IHO1: variants seen among roughly 807,000 people sequenced by gnomAD.
IHO1 encodes interactor of HORMAD1 protein 1.
Under a neutral mutation model 31.0 loss-of-function variants are expected in IHO1, and 13 were observed. That is an observed-to-expected ratio of 0.42 (90% CI 0.27 to 0.67). The LOEUF (loss-of-function observed/expected upper bound fraction) is 0.67, where lower values mean the gene tolerates loss of function less well. Among genes scored for constraint, IHO1 ranks in the 30% least tolerant of loss-of-function variants. The pLI, the probability that IHO1 is intolerant of heterozygous loss-of-function variation, is 0.24. For synonymous variants in IHO1, 221 were observed against 248.4 expected, an observed-to-expected ratio of 0.89 and a Z score of 1.04; for missense variants, 599 against 687.5, an observed-to-expected ratio of 0.87 and a Z score of 1.44.
the IHO1 span, among the ~76,000 whole-genome samples, chr3:49,192,721 C>G: frequency 6.6e-6 from 1 of 152,120 alleles, no homozygotes; most frequent in African/African-American, 2.4e-5. Context: ...AAATGGCTAA[C>G]CTGGTCTCTA....
chr3:49,241,368 G>A lies in IHO1; in HGVS notation c.374G>A (p.Arg125Lys), dbSNP rs780012494. 1 of 1,609,662 alleles carries A rather than the reference G, an allele frequency of 6.2e-7. No individual in the cohort carries two copies. The highest frequency in any genetic ancestry group is 8.5e-7 in the Non-Finnish European group (1 of 1,178,448). ...GAACAGTTTGAGGAGAAAAAGAAAA[G>A]GGCAAAAGACAAATGTGACAGGTAT... Reference protein sequence around the residue: ...LLEQFEEKKKRAKDKCDSETL... With the variant: ...LLEQFEEKKKKAKDKCDSETL... Residue 125 changes from arginine to lysine, a missense_variant, in exon 4 of 8, where the codon AGG becomes AAG. Arg to Lys is a conservative substitution (Grantham distance 26). Transcript: ENST00000452691.
rs1480024875 is a variant in IHO1 at position 49,241,405 on chromosome 3, A to G, written c.395+16A>G. ...AATGTGACAGGTATGTAAACCTTTC[A>G]AATGGATGAAAGAACTCACCTTTTC... On this transcript the variant is annotated intron_variant, in intron 4 of 7. Coordinates refer to ENST00000452691, the MANE Select transcript of IHO1 (RefSeq NM_001135197.2). 1.3e-6 allele frequency: 2 copies of G among 1,581,230 alleles called. No individual in the cohort carries two copies. Among genetic ancestry groups the G allele is most frequent in the Non-Finnish European group, 1.7e-6 (2 of 1,165,710 alleles).
chr3:49,220,138 C>T lies in IHO1; in HGVS notation c.56+8302C>T, dbSNP rs187171538. On this transcript the variant is annotated intron_variant, in intron 2 of 7. Transcript: ENST00000452691. ...GCTAGACAAGAGGGTGATATAGAGG[C>T]TTGGCAGTTCTCTGTTAGGATACAC... Among the ~76,000 whole-genome samples the T allele has an allele frequency of 4.0e-4, 61 of 152,318 alleles. No homozygotes were observed. The East Asian group carries it at 0.011, about 26-fold the overall frequency.
rs1015633831 is a variant in IHO1, at chr3:49,228,204, G to A, written c.57-8344G>A. On this transcript the variant is annotated intron_variant, in intron 2 of 7. Transcript: ENST00000452691. ...GACTTTGAGAGTTCTACTCACAGCC[G>A]CAGGGTCAACCAACTTGTTGTCGGG... 23 of 356,362 alleles carry A rather than the reference G, an allele frequency of 6.5e-5. No homozygotes were observed. The East Asian group carries it at 9.3e-4, about 14-fold the overall frequency. The allele number at this position is 356,362 out of a possible 1,614,324, so 22.1% of individuals were successfully genotyped here. A position where few individuals can be genotyped will look rare whatever the true frequency, so the allele number is the denominator to read the frequency against.
At chr3:49,234,714 GT>G (rs1269760957) in intron 2 of IHO1, among the ~76,000 whole-genome samples, 1 of 152,038 alleles carries the variant, frequency 6.6e-6, no homozygotes, top group African/African-American at 2.4e-5. Context: ...GCCCTGCTCT[GT>G]TCCTTCCCTG....
chr3:49,237,930 T>C lies in IHO1; in HGVS notation c.231+1208T>C, dbSNP rs527937268. Among the ~76,000 whole-genome samples, 22 of 131,620 alleles carry C rather than the reference T, an allele frequency of 1.7e-4. No individual in the cohort carries two copies. The South Asian group carries it at 6.0e-3, about 36-fold the overall frequency. The allele number at this position is 131,620 out of a possible 152,430, so 86.3% of individuals were successfully genotyped here. On this transcript the variant is annotated intron_variant, in intron 3 of 7. Coordinates refer to ENST00000452691, the MANE Select transcript of IHO1 (RefSeq NM_001135197.2). The stretch of plus-strand genomic sequence containing the variant: ...TTTTTTTTTTTTTTGAGACAGAGTC[T>C]TGCTCTGTCACCTGGGCCGAGGTCC...
At position 49,236,729 on chromosome 3, in the gene IHO1, C is replaced by T; in HGVS notation, c.231+7C>T. 2 of 1,607,170 alleles carry T rather than the reference C, an allele frequency of 1.2e-6. No individual in the cohort carries two copies. Among genetic ancestry groups the T allele is most frequent in the East Asian group, 2.2e-5 (1 of 44,810 alleles). ...ACAACAGAACTATCTGGAGGTGAGT[C>T]TGGTTTCCAGAATTGATCTGCACAC... On this transcript the variant is annotated splice_region_variant and intron_variant, in intron 3 of 7. Coordinates refer to ENST00000452691, the MANE Select transcript of IHO1 (RefSeq NM_001135197.2).
chr3:49,215,956 A>G (rs1057173130), intron 2 of IHO1, among the ~76,000 whole-genome samples: 3 of 152,210 alleles, frequency 2.0e-5, no homozygotes, highest in Non-Finnish European at 2.9e-5. Context: ...ATTTCTGAGT[A>G]AAAATAATCA....
rs998420772 is a variant in IHO1, at chr3:49,236,463, G to A, written c.57-85G>A. On this transcript the variant is annotated intron_variant, in intron 2 of 7. Transcript: ENST00000452691. ...AACAAGCTATCATTCTGCCCAAAAT[G>A]TTCTGAAATGGACAGCTGTGAACTA... The A allele has an allele frequency of 6.0e-6, 6 of 1,001,966 alleles. No homozygotes were observed. The African/African-American group carries it at 8.0e-5, about 13-fold the overall frequency. 62.1% of individuals were successfully genotyped at this position (1,001,966 alleles called of 1,614,324 possible). A position where few individuals can be genotyped will look rare whatever the true frequency, so the allele number is the denominator to read the frequency against.
At chr3:49,245,987 G>T (rs1366699654) in intron 6 of IHO1, among the ~76,000 whole-genome samples, 2 of 150,954 alleles carry the variant, frequency 1.3e-5, no homozygotes, top group Non-Finnish European at 3.0e-5. Flanking sequence ...TTCAAGTCTG[G>T]CCTGTCTAAT....
chr3:49,240,171 G>A (rs1174080533), intron 3 of IHO1, among the ~76,000 whole-genome samples: 2 of 151,996 alleles, frequency 1.3e-5, no homozygotes, highest in African/African-American at 2.4e-5. Context: ...TCAGCCTCCC[G>A]AGTAGCTGTG....
chr3:49,242,621 G>A (rs1048322879), intron 4 of IHO1, among the ~76,000 whole-genome samples: 2 of 152,012 alleles, frequency 1.3e-5, no homozygotes. Flanking sequence ...TAGGAAGTTG[G>A]ACAACATTAT....
At chr3:49,205,310 G>A (rs1028543147) in intron 1 of IHO1, among the ~76,000 whole-genome samples, 7 of 151,824 alleles carry the variant, frequency 4.6e-5, no homozygotes, top group Admixed American at 1.3e-4. Flanking sequence ...TATGATATGC[G>A]GTGAGGGCGA....
Position 49,248,417 on chromosome 3 carries a change from A to AAAAACAAAACAAAACAAAAC in IHO1, c.532+3694_532+3713dup, listed in dbSNP as rs139167372. On this transcript the variant is annotated intron_variant, in intron 6 of 7. Coordinates refer to ENST00000452691, the MANE Select transcript of IHO1 (RefSeq NM_001135197.2). ...CTGGGCGATAGAACCAGACTCTCTC[A>AAAAACAAAACAAAACAAAAC]AAAACAAAACAAAACAAAACAAAAC... Among the ~76,000 whole-genome samples the AAAAACAAAACAAAACAAAAC allele has an allele frequency of 2.1e-3, 306 of 148,928 alleles. 2 individuals are homozygous for AAAAACAAAACAAAACAAAAC. Among genetic ancestry groups the AAAAACAAAACAAAACAAAAC allele is most frequent in the African/African-American group, 7.3e-3 (294 of 40,252 alleles).
chr3:49,226,532 A>C (rs1231680076), intron 2 of IHO1, among the ~76,000 whole-genome samples: 1 of 152,106 alleles, frequency 6.6e-6, no homozygotes, highest in Non-Finnish European at 1.5e-5. Context: ...AGGTCAACAG[A>C]TGTTTGTGAT....
chr3:49,205,599 T>C (rs2046125863), intron 1 of IHO1, among the ~76,000 whole-genome samples: 1 of 150,650 alleles, frequency 6.6e-6, no homozygotes, highest in Non-Finnish European at 1.5e-5. Flanking sequence ...GGCCGTAATT[T>C]TTTTTTTTTT....
In IHO1 at chr3:49,231,849, C is replaced by T. The variant is rs1174389186; in HGVS notation, c.57-4699C>T. Among the ~76,000 whole-genome samples, 13 of 152,344 alleles carry T rather than the reference C, an allele frequency of 8.5e-5. No individual in the cohort carries two copies. In the East Asian group the frequency reaches 2.5e-3, roughly 29 times the overall value. ...AGATACAGCATTACCTGGAAAGAAG[C>T]TAAAGCTATCATCCAGCGATGCCCA... On this transcript the variant is annotated intron_variant, in intron 2 of 7. Coordinates refer to ENST00000452691, the MANE Select transcript of IHO1 (RefSeq NM_001135197.2).
At chr3:49,198,092 C>G (rs982984003), upstream of IHO1, among the ~76,000 whole-genome samples, 1 of 152,124 alleles carries the variant, frequency 6.6e-6, no homozygotes, top group Non-Finnish European at 1.5e-5. Flanking sequence ...TTTCACTCAG[C>G]GTAATTATTT....
At chr3:49,254,998 A>C (rs1050373276) in intron 6 of IHO1, among the ~76,000 whole-genome samples, 1 of 151,946 alleles carries the variant, frequency 6.6e-6, no homozygotes, top group Non-Finnish European at 1.5e-5. Context: ...AGGAGGGGGA[A>C]GTTGCAGTGA....
Sources: gnomAD v4.1 joint callset for allele counts (sites outside exome capture counted in the v4.1 genomes callset) on GRCh38, gnomAD v4.1.1 for gene constraint, MANE v1.5 for transcripts, NCBI Gene and HGNC (gene_info 2026-07-23, HGNC 2026-07-21) for gene names.